The following SYT16 variants were observed in gnomAD, a reference collection of about 807,000 sequenced individuals.
SYT16 encodes synaptotagmin-16.
SYT16 carries 42 observed loss-of-function variants against 61.4 expected under a neutral mutation model. That is an observed-to-expected ratio of 0.68 (90% CI 0.53 to 0.89). The LOEUF is 0.89. Ranked by LOEUF, SYT16 falls within the 40% of genes least tolerant of loss-of-function variation. The pLI, the probability that SYT16 is intolerant of heterozygous loss-of-function variation, is 0.00. For synonymous variants in SYT16, 314 were observed against 302.3 expected (o/e 1.04, Z -0.40); for missense variants, 804 against 807.3 (o/e 1.00, Z 0.05).
chr14:62,052,975 C>T (rs1306077992), intron 3 of SYT16, among the ~76,000 whole-genome samples: 1 of 152,158 alleles, frequency 6.6e-6, no homozygotes, highest in Non-Finnish European at 1.5e-5. Flanking sequence ...CAGTGGGGTG[C>T]TGCTGTAATA....
At chr14:61,855,344 C>T (rs8012104) in intron 1 of SYT16, among the ~76,000 whole-genome samples, 1 of 151,998 alleles carries the variant, frequency 6.6e-6, no homozygotes. Flanking sequence ...GTGTCCTGAT[C>T]AACCCATCGT....
chr14:61,833,151 T>A (rs1434567326), intron 1 of SYT16, among the ~76,000 whole-genome samples: 1 of 152,224 alleles, frequency 6.6e-6, no homozygotes, highest in Admixed American at 6.5e-5. Flanking sequence ...TCCCTAGGAA[T>A]TTTGGTGGTC....
intron 3 of SYT16, among the ~76,000 whole-genome samples, chr14:62,029,541 C>T (rs567923119): frequency 6.6e-5 from 10 of 152,160 alleles, no homozygotes; most frequent in African/African-American, 1.7e-4. Flanking sequence ...CACTTCCTTT[C>T]GGGAGTTCTA....
intron 1 of SYT16, among the ~76,000 whole-genome samples, chr14:61,914,157 A>G (rs1429206695): frequency 6.6e-6 from 1 of 152,160 alleles, no homozygotes; most frequent in Non-Finnish European, 1.5e-5. Flanking sequence ...TTTCTCTGTA[A>G]TATTTTGTTG....
intron 3 of SYT16, among the ~76,000 whole-genome samples, chr14:62,002,206 T>C (rs1050877557): frequency 2.0e-5 from 3 of 152,098 alleles, no homozygotes; most frequent in Admixed American, 1.3e-4. Flanking sequence ...GAGCAAATCT[T>C]TTCTAATGCA....
intron 1 of SYT16, among the ~76,000 whole-genome samples, chr14:61,966,118 AG>A (rs1477504677): frequency 6.6e-6 from 1 of 152,202 alleles, no homozygotes; most frequent in African/African-American, 2.4e-5. Context: ...TCCATAGTTA[AG>A]CCATTACTAC....
At chr14:61,927,327 C>T (rs1440670199) in intron 1 of SYT16, among the ~76,000 whole-genome samples, 5 of 152,090 alleles carry the variant, frequency 3.3e-5, no homozygotes, top group African/African-American at 1.2e-4. Context: ...ATTTTGTCTT[C>T]ATCAGCATCC....
intron 1 of SYT16, among the ~76,000 whole-genome samples, chr14:61,834,763 AC>A (rs2046071256): frequency 6.6e-6 from 1 of 152,104 alleles, no homozygotes. Context: ...ATACCAGATC[AC>A]CCATCCATCT....
At chr14:62,069,903 C>G (rs1566817998) in intron 4 of SYT16, 88 bp downstream of exon 4, 1 of 1,408,534 alleles carries the variant, frequency 7.1e-7, no homozygotes, top group East Asian at 2.3e-5. Flanking sequence ...CACTCTGCAT[C>G]TGAGAGTCCA....
At chr14:61,947,267 C>T (rs1421631743) in intron 1 of SYT16, among the ~76,000 whole-genome samples, 4 of 125,844 alleles carry the variant, frequency 3.2e-5, no homozygotes, top group Non-Finnish European at 3.4e-5. Flanking sequence ...TTTAGTCCTT[C>T]GTGTGTGTGT....
intron 1 of SYT16, among the ~76,000 whole-genome samples, chr14:61,943,130 A>G (rs923165721): frequency 6.6e-6 from 1 of 152,226 alleles, no homozygotes; most frequent in African/African-American, 2.4e-5. Context: ...CAGGAAATCT[A>G]GAAGAAATGG....
intron 1 of SYT16, among the ~76,000 whole-genome samples, chr14:61,857,228 C>T (rs1394646920): frequency 1.3e-5 from 2 of 152,144 alleles, no homozygotes; most frequent in African/African-American, 4.8e-5. Context: ...GAAGCTGGGA[C>T]ATGTGTCTGG....
At chr14:61,915,164 C>T (rs774683249) in intron 1 of SYT16, among the ~76,000 whole-genome samples, 6 of 152,032 alleles carry the variant, frequency 3.9e-5, no homozygotes, top group East Asian at 1.9e-4. Context: ...TGAGGATAGC[C>T]GGATGGTCAA....
At chr14:61,993,670 T>C (rs1002296749) in intron 2 of SYT16, among the ~76,000 whole-genome samples, 4 of 152,026 alleles carry the variant, frequency 2.6e-5, no homozygotes, top group South Asian at 4.1e-4. Flanking sequence ...CCGAAAAACT[T>C]TGAGTGGCGA....
intron 1 of SYT16, chr14:61,864,821 C>T: frequency 1.0e-6 from 1 of 994,712 alleles, no homozygotes. Context: ...CACAGTCTAC[C>T]ATTATGACGG....
chr14:61,982,949 A>G (rs374704161), intron 2 of SYT16, among the ~76,000 whole-genome samples: 6 of 152,222 alleles, frequency 3.9e-5, no homozygotes, highest in African/African-American at 1.4e-4. Flanking sequence ...TCAGAGGACT[A>G]TTGGGGTTTT....
At chr14:61,949,538 C>T (rs1193927928) in intron 1 of SYT16, among the ~76,000 whole-genome samples, 1 of 152,118 alleles carries the variant, frequency 6.6e-6, no homozygotes, top group Non-Finnish European at 1.5e-5. Flanking sequence ...GCACTAAAGC[C>T]TTCAACTCCT....
chr14:62,036,732 A>T (rs1228435372), intron 3 of SYT16, among the ~76,000 whole-genome samples: 3 of 152,148 alleles, frequency 2.0e-5, no homozygotes, highest in Admixed American at 2.0e-4. Context: ...CTTATTCACT[A>T]GCATGAGAAA....
chr14:61,945,149 GGT>G (rs1200685456), intron 1 of SYT16, among the ~76,000 whole-genome samples: 94 of 152,278 alleles, frequency 6.2e-4, no homozygotes, highest in African/African-American at 2.2e-3. Flanking sequence ...CATCATCACT[GGT>G]CATTTGAGAA....
Sources: gnomAD v4.1 joint callset for allele counts (sites outside exome capture counted in the v4.1 genomes callset) on GRCh38, gnomAD v4.1.1 for gene constraint, MANE v1.5 for transcripts, NCBI Gene and HGNC (gene_info 2026-07-23, HGNC 2026-07-21) for gene names.